DIP2C: variants seen among roughly 807,000 people sequenced by gnomAD.
DIP2C encodes DIP2 acetate--CoA ligase C (putative).
A neutral mutation model predicts 192.4 loss-of-function variants in DIP2C; 33 were observed. The observed-to-expected ratio is 0.17, with a 90% CI of 0.13 to 0.23. The LOEUF (loss-of-function observed/expected upper bound fraction) is 0.23, where lower values mean the gene tolerates loss of function less well. DIP2C is among the 10% of genes least tolerant of loss of function. The probability of loss-of-function intolerance (pLI) is 1.00; values close to 1 mark genes in which losing one functional copy is unlikely to be tolerated. For synonymous variants in DIP2C, 979 were observed against 864.1 expected (o/e 1.13, Z -2.33); for missense variants, 1,537 against 2,110.1 (o/e 0.73, Z 5.32).
At chr10:564,703 C>T (rs769533414) in intron 1 of DIP2C, among the ~76,000 whole-genome samples, 8 of 152,062 alleles carry the variant, frequency 5.3e-5, no homozygotes, top group Non-Finnish European at 8.8e-5. Context: ...CCAATATGCC[C>T]GAAGCATTCA....
rs562319061 is a variant in DIP2C, at chr10:275,956, C to T, written c.*1369G>A. On this transcript the variant is annotated 3_prime_UTR_variant, in exon 37 of 37. Transcript: ENST00000280886. ...ACACAGAGCGGGCTGGGTCTTAAGA[C>T]GAGGGGACGATCACCGATGTGAGTT... 17 of 152,302 alleles carry T rather than the reference C, an allele frequency of 1.1e-4. No homozygotes were observed. The South Asian group carries it at 1.2e-3, about 11-fold the overall frequency. 9.4% of individuals were successfully genotyped at this position (152,302 alleles called of 1,614,324 possible).
At chr10:504,070 ACT>A (rs377147115) in intron 1 of DIP2C, among the ~76,000 whole-genome samples, 17 of 152,242 alleles carry the variant, frequency 1.1e-4, no homozygotes, top group South Asian at 2.1e-4. Flanking sequence ...TCATGGAAAT[ACT>A]CTCTCTTCAT....
chr10:385,471 C>T lies in DIP2C; in HGVS notation c.1663-832G>A, dbSNP rs117327849. Among the ~76,000 whole-genome samples the T allele has an allele frequency of 5.1e-3, 771 of 152,354 alleles. 5 individuals are homozygous for T. Among genetic ancestry groups the T allele is most frequent in the Middle Eastern group, 0.014 (4 of 294 alleles). On this transcript the variant is annotated intron_variant, in intron 14 of 36. Transcript: ENST00000280886. Reference sequence around the variant, plus strand: ...CATTTTCAACAGCCTTTCGTATCCTCAAAGCCTAATTCTTCCCGGTGTGTT... The same window carrying T: ...CATTTTCAACAGCCTTTCGTATCCTTAAAGCCTAATTCTTCCCGGTGTGTT...
intron 1 of DIP2C, among the ~76,000 whole-genome samples, chr10:681,406 C>T (rs1050241465): frequency 5.3e-5 from 8 of 151,398 alleles, no homozygotes; most frequent in African/African-American, 1.2e-4. Context: ...ACAGAAATTC[C>T]GAGGAATGCA....
intron 19 of DIP2C, among the ~76,000 whole-genome samples, chr10:365,256 G>C (rs1960048956): frequency 1.3e-5 from 2 of 152,224 alleles, no homozygotes. Context: ...ATTTAGACCA[G>C]CAACAGTGGC....
chr10:312,117 C>T (rs1017648631), intron 31 of DIP2C, among the ~76,000 whole-genome samples: 1 of 152,204 alleles, frequency 6.6e-6, no homozygotes, highest in Non-Finnish European at 1.5e-5. Flanking sequence ...GCGCTGGGCT[C>T]TCACACGGTC....
chr10:473,540 A>C, intron 2 of DIP2C, among the ~76,000 whole-genome samples: 1 of 152,012 alleles, frequency 6.6e-6, no homozygotes, highest in African/African-American at 2.4e-5. Context: ...ATACCACAGG[A>C]AGGACGTCAT....
intron 1 of DIP2C, among the ~76,000 whole-genome samples, chr10:535,777 T>C (rs1847661747): frequency 6.6e-6 from 1 of 152,150 alleles, no homozygotes; most frequent in African/African-American, 2.4e-5. Flanking sequence ...AGCCTATAGG[T>C]TTGGTTCAAA....
At chr10:547,004 TTAGA>T (rs1273022547) in intron 1 of DIP2C, among the ~76,000 whole-genome samples, 17 of 152,340 alleles carry the variant, frequency 1.1e-4, no homozygotes, top group African/African-American at 3.4e-4. Flanking sequence ...AAGTCATTCT[TTAGA>T]TAAAGAAGGC....
chr10:619,702 G>C (rs917011115), intron 1 of DIP2C, among the ~76,000 whole-genome samples: 1 of 152,164 alleles, frequency 6.6e-6, no homozygotes, highest in South Asian at 2.1e-4. Flanking sequence ...CACTCCACAA[G>C]CAATGAGTGA....
chr10:435,529 C>T (rs757509408), intron 4 of DIP2C, among the ~76,000 whole-genome samples: 1 of 152,198 alleles, frequency 6.6e-6, no homozygotes, highest in Non-Finnish European at 1.5e-5. Flanking sequence ...TCAGGTTTTC[C>T]AATCCCAGCG....
intron 8 of DIP2C, 43 bp downstream of exon 8, chr10:413,870 G>A (rs754476852): frequency 2.5e-6 from 4 of 1,595,732 alleles, no homozygotes; most frequent in Non-Finnish European, 3.4e-6. Context: ...GAGTGGCTGT[G>A]CGAGGGGGTG....
rs549265749 is a variant in DIP2C, at chr10:436,740, CTT to C, written c.394+4129_394+4130del. On this transcript the variant is annotated intron_variant, in intron 4 of 36. Coordinates refer to ENST00000280886, the MANE Select transcript of DIP2C (RefSeq NM_014974.3). The stretch of plus-strand genomic sequence containing the variant: ...ACACCTGAGATCTCTCTGAGCTCTG[CTT>C]CCTGGACATGGTAGGGTGATATGCT... Among the ~76,000 whole-genome samples the C allele has an allele frequency of 9.2e-5, 12 of 129,794 alleles. 1 individual carries two copies. In the South Asian group the frequency reaches 2.7e-3, roughly 30 times the overall value. The allele number at this position is 129,794 out of a possible 152,430, so 85.1% of individuals were successfully genotyped here.
chr10:363,651 G>A lies in DIP2C; in HGVS notation c.2478-340C>T, dbSNP rs1459416924. 2.6e-5 allele frequency among the ~76,000 whole-genome samples: 4 copies of A among 152,176 alleles called. No homozygotes were observed. Among genetic ancestry groups the A allele is most frequent in the South Asian group, 2.1e-4 (1 of 4,830 alleles). On this transcript the variant is annotated intron_variant, in intron 20 of 36. Transcript: ENST00000280886. This position sits in a 1 kb window ranked among gnomAD's most constrained non-coding sequence, Gnocchi z 5.4. ...TAGGGAGTCACACCCTTCACAGCTC[G>A]AGTTTGCACCCGTGAAGTTAACGGT...
intron 3 of DIP2C, among the ~76,000 whole-genome samples, chr10:459,091 T>C (rs4880681): frequency 0.85 from 129,927 of 152,108 alleles, 57,939 homozygotes; most frequent in Non-Finnish European, 0.97. Flanking sequence ...AAAAAGCTTT[T>C]GCCAGTGGGG....
rs148015778 is a variant in DIP2C at position 422,894 on chromosome 10, C to T, written c.534G>A (p.Ser178=). 17 of 1,613,722 alleles carry T rather than the reference C, an allele frequency of 1.1e-5. No homozygotes were observed. The highest frequency in any genetic ancestry group is 1.7e-4 in the Middle Eastern group (1 of 5,786). The change falls in exon 5 of 37, where the codon TCG becomes TCA. Residue 178 remains serine, a synonymous_variant. Transcript: ENST00000280886. ...IHGSTTSTTS[S]SSTQSGGSGA... ...CGCTGCCCCCGCTCTGCGTAGAGGA[C>T]GAGGAGGTGGTGGACGTGGTGGAGC...
intron 6 of DIP2C, among the ~76,000 whole-genome samples, chr10:417,601 T>C (rs1320088438): frequency 7.5e-4 from 112 of 149,890 alleles, no homozygotes; most frequent in Middle Eastern, 3.4e-3. Flanking sequence ...GGAGCTAGGA[T>C]AGGCATCCCT....
At position 400,277 on chromosome 10, in the gene DIP2C, T is replaced by G. The variant is rs562251335; in HGVS notation, c.1150-1058A>C. ...GCCTCAAGCGATTCTCCTGCCTTGGTCCCCGCAAAGTGTTGGGATTACAGA... is the reference window on the plus strand; with the variant it reads ...GCCTCAAGCGATTCTCCTGCCTTGGGCCCCGCAAAGTGTTGGGATTACAGA... On this transcript the variant is annotated intron_variant, in intron 9 of 36. Coordinates refer to ENST00000280886, the MANE Select transcript of DIP2C (RefSeq NM_014974.3). Among the ~76,000 whole-genome samples, 156 of 152,280 alleles carry G rather than the reference T, an allele frequency of 1.0e-3. 1 individual carries two copies. The Middle Eastern group carries it at 0.024, about 23-fold the overall frequency.
chr10:643,097 G>A (rs1855281467), intron 1 of DIP2C, among the ~76,000 whole-genome samples: 1 of 152,110 alleles, frequency 6.6e-6, no homozygotes. Flanking sequence ...CCAGCTACTT[G>A]GGGGCTGAGG....
Sources: gnomAD v4.1 joint callset for allele counts (sites outside exome capture counted in the v4.1 genomes callset) on GRCh38, gnomAD v4.1.1 for gene constraint, Gnocchi (gnomAD v3.1) non-coding constraint, MANE v1.5 for transcripts, NCBI Gene and HGNC (gene_info 2026-07-23, HGNC 2026-07-21) for gene names.